PKP1: variants seen among roughly 807,000 people sequenced by gnomAD.
The protein encoded by PKP1 is plakophilin 1, also known as plakophilin-1.
PKP1 carries 27 observed loss-of-function variants against 76.4 expected under a neutral mutation model. The observed-to-expected ratio is 0.35, with a 90% confidence interval of 0.26 to 0.49. The LOEUF is 0.49. Ranked by LOEUF, PKP1 falls within the 20% of genes least tolerant of loss-of-function variation. The pLI is 0.99. For synonymous variants in PKP1, 404 were observed against 384.2 expected, an observed-to-expected ratio of 1.05 and a Z score of -0.60; for missense variants, 964 against 955.2, an observed-to-expected ratio of 1.01 and a Z score of -0.12.
At chr1:201,319,856 C>A (rs777156700) in intron 6 of PKP1, 1 of 1,613,962 alleles carries the variant, frequency 6.2e-7, no homozygotes, top group African/African-American at 1.3e-5. Flanking sequence ...TCTTGTTCCG[C>A]AAAGGGCCAC....
intron 2 of PKP1, among the ~76,000 whole-genome samples, chr1:201,312,493 T>C (rs1464434770): frequency 6.6e-6 from 1 of 152,164 alleles, no homozygotes; most frequent in African/African-American, 2.4e-5. Context: ...GACTGTACCA[T>C]GTGGGACCAG....
chr1:201,296,561 G>A (rs1487131594), intron 2 of PKP1, among the ~76,000 whole-genome samples: 5 of 152,212 alleles, frequency 3.3e-5, no homozygotes, highest in Non-Finnish European at 5.9e-5. Context: ...CACTCGGTCA[G>A]CCAACTTGTA....
chr1:201,302,465 G>A (rs1656258685), intron 2 of PKP1, among the ~76,000 whole-genome samples: 1 of 152,170 alleles, frequency 6.6e-6, no homozygotes. Flanking sequence ...ACAGTCCTGG[G>A]GGTATCTTCT....
rs1459930976 is a variant in PKP1, at chr1:201,313,428, G to T, written c.569G>T (p.Cys190Phe). The change falls in exon 3 of 14, where the codon TGC becomes TTC. Residue 190 changes from cysteine to phenylalanine, a missense_variant. Cys to Phe is a radical substitution (Grantham distance 205). Coordinates refer to ENST00000367324, the MANE Select transcript of PKP1 (RefSeq NM_001005337.3). The part of the protein sequence containing the change: ...TQNRYSFYST[C>F]SGQKAIKKCP... The stretch of plus-strand genomic sequence containing the variant: ...AACCGCTACAGCTTTTACAGCACCT[G>T]CAGTGGTCAGAAGGCCATAAAGAAG... The T allele has an allele frequency of 1.9e-6, 3 of 1,599,204 alleles. No homozygotes were observed. Among genetic ancestry groups the T allele is most frequent in the Non-Finnish European group, 2.6e-6 (3 of 1,173,066 alleles).
intron 5 of PKP1, among the ~76,000 whole-genome samples, chr1:201,318,245 G>A (rs745811599): frequency 6.6e-6 from 1 of 152,212 alleles, no homozygotes; most frequent in Non-Finnish European, 1.5e-5. Flanking sequence ...CATGTACAGA[G>A]TAATGACTGA....
intron 4 of PKP1, 122 bp from the exon 5 acceptor site, chr1:201,317,450 A>C: frequency 1.2e-6 from 1 of 844,246 alleles, no homozygotes; most frequent in Non-Finnish European, 2.0e-6. Flanking sequence ...ATTTTGGTTG[A>C]CTTGAATATT....
intron 1 of PKP1, among the ~76,000 whole-genome samples, chr1:201,287,444 A>G (rs1317453083): frequency 1.3e-5 from 2 of 152,180 alleles, no homozygotes; most frequent in Non-Finnish European, 2.9e-5. Flanking sequence ...GAGTTTCTAG[A>G]AAGTTGTCCT....
At chr1:201,326,764 G>A (rs1657139165) in intron 12 of PKP1, among the ~76,000 whole-genome samples, 1 of 152,224 alleles carries the variant, frequency 6.6e-6, no homozygotes, top group African/African-American at 2.4e-5. Flanking sequence ...GGCAGGCGAA[G>A]CCATGAGAAC....
At chr1:201,299,070 G>C (rs1255267873) in intron 2 of PKP1, among the ~76,000 whole-genome samples, 1 of 152,172 alleles carries the variant, frequency 6.6e-6, no homozygotes, top group Non-Finnish European at 1.5e-5. Flanking sequence ...ACTGCAGAGG[G>C]GCTGCCGGGG....
intron 5 of PKP1, among the ~76,000 whole-genome samples, chr1:201,318,176 G>A (rs921080638): frequency 1.3e-5 from 2 of 152,170 alleles, no homozygotes; most frequent in Non-Finnish European, 2.9e-5. Context: ...ACTCAAGGTG[G>A]GGGGCACAAG....
intron 2 of PKP1, among the ~76,000 whole-genome samples, chr1:201,305,591 C>A (rs894450156): frequency 6.6e-6 from 1 of 152,204 alleles, no homozygotes; most frequent in Non-Finnish European, 1.5e-5. Context: ...CTTTTCTGGG[C>A]CAGGTAAGCA....
In PKP1 at chr1:201,316,655, C is replaced by T. The variant is rs1442912755; in HGVS notation, c.804C>T (p.Tyr268=). 1 of 1,613,882 alleles carries T rather than the reference C, an allele frequency of 6.2e-7. No homozygotes were observed. Among genetic ancestry groups the T allele is most frequent in the South Asian group, 1.1e-5 (1 of 90,956 alleles). The stretch of plus-strand genomic sequence containing the variant: ...AGTACCAGGCCATTGGGGCCTATTA[C>T]ATCCAGCATACCTGCTTCCAGGATG... The part of the protein sequence containing the change: ...DEKYQAIGAY[Y]IQHTCFQDES... Residue 268 remains tyrosine, a synonymous_variant, in exon 4 of 14, where the codon TAC becomes TAT. Coordinates refer to ENST00000367324, the MANE Select transcript of PKP1 (RefSeq NM_001005337.3).
At chr1:201,297,478 AG>A (rs1476032421) in intron 2 of PKP1, among the ~76,000 whole-genome samples, 2 of 152,196 alleles carry the variant, frequency 1.3e-5, no homozygotes, top group African/African-American at 4.8e-5. Flanking sequence ...CCAAACCTGT[AG>A]AATATTAGAG....
rs1656345150 is a variant in PKP1, at chr1:201,305,457, C to T, written c.307-7709C>T. On this transcript the variant is annotated intron_variant, in intron 2 of 13. Coordinates refer to ENST00000367324, the MANE Select transcript of PKP1 (RefSeq NM_001005337.3). ...GTTTCAGCCCAGGAGGTCAAGGCTG[C>T]AGTGAGCCATGATGGCAGCACTCCA... is the stretch of plus-strand genomic sequence containing the variant. 3.9e-5 allele frequency among the ~76,000 whole-genome samples: 6 copies of T among 152,312 alleles called. No homozygotes were observed. The South Asian group carries it at 1.2e-3, about 32-fold the overall frequency.
intron 2 of PKP1, among the ~76,000 whole-genome samples, chr1:201,312,354 T>G (rs1213638310): frequency 6.6e-6 from 1 of 152,110 alleles, no homozygotes; most frequent in African/African-American, 2.4e-5. Flanking sequence ...GCTGGCTGTG[T>G]GAGAAGCTGC....
intron 2 of PKP1, among the ~76,000 whole-genome samples, chr1:201,306,026 T>C (rs542784419): frequency 7.9e-4 from 120 of 152,306 alleles, no homozygotes; most frequent in African/African-American, 2.8e-3. Context: ...CCACTCGGGC[T>C]GTGAGAGCTG....
At position 201,313,204 on chromosome 1, in the gene PKP1, G is replaced by A. The variant is rs138354987; in HGVS notation, c.345G>A (p.Arg115=). The stretch of plus-strand genomic sequence containing the variant: ...CCCTCAAGCGGGAGCCTGACAACAG[G>A]CGCTTCAGCTCCTACAGCCAGATGG... ...NGTLKREPDN[R]RFSSYSQMEN... is the part of the protein sequence containing the mutation. Residue 115 remains arginine, a synonymous_variant, in exon 3 of 14, where the codon AGG becomes AGA. Transcript: ENST00000367324. The A allele has an allele frequency of 3.5e-5, 57 of 1,606,976 alleles. No homozygotes were observed. Among genetic ancestry groups the A allele is most frequent in the African/African-American group, 6.7e-5 (5 of 74,768 alleles).
At chr1:201,315,600 G>A (rs1571555897) in intron 3 of PKP1, among the ~76,000 whole-genome samples, 1 of 152,240 alleles carries the variant, frequency 6.6e-6, no homozygotes, top group African/African-American at 2.4e-5. Flanking sequence ...CAGTGAAGGG[G>A]ACAGTCTTGC....
intron 5 of PKP1, 53 bp downstream of exon 5, chr1:201,317,832 G>A (rs968121299): frequency 6.5e-7 from 1 of 1,529,544 alleles, no homozygotes; most frequent in Non-Finnish European, 9.0e-7. Context: ...AAGGCCACTG[G>A]CTATGGCCCC....
Sources: gnomAD v4.1 joint callset for allele counts (sites outside exome capture counted in the v4.1 genomes callset) on GRCh38, gnomAD v4.1.1 for gene constraint, MANE v1.5 for transcripts, NCBI Gene and HGNC (gene_info 2026-07-23, HGNC 2026-07-21) for gene names.